Variants in PCSK5 observed in about 807,000 individuals in gnomAD.
The protein encoded by PCSK5 is proprotein convertase subtilisin/kexin type 5, also known as prohormone convertase 5.
Under a neutral mutation model 233.2 loss-of-function variants are expected in PCSK5, and 129 were observed. The observed-to-expected ratio is 0.55, with a 90% CI of 0.48 to 0.64. The LOEUF (loss-of-function observed/expected upper bound fraction) is 0.64, where lower values mean the gene tolerates loss of function less well. Among genes scored for constraint, PCSK5 ranks in the 30% least tolerant of loss-of-function variants. The pLI, the probability that PCSK5 is intolerant of heterozygous loss-of-function variation, is 0.00. For synonymous variants in PCSK5, 825 were observed against 879.2 expected (o/e 0.94, Z 1.09); for missense variants, 2,076 against 2,430.1 (o/e 0.85, Z 3.06).
At chr9:76,024,681 C>T (rs570856176) in intron 4 of PCSK5, among the ~76,000 whole-genome samples, 23 of 152,080 alleles carry the variant, frequency 1.5e-4, no homozygotes, top group Admixed American at 3.9e-4. Flanking sequence ...TTGTGAGTGC[C>T]GTCTTTTATG....
intron 21 of PCSK5, among the ~76,000 whole-genome samples, chr9:76,229,491 T>C (rs746571103): frequency 6.6e-6 from 1 of 152,222 alleles, no homozygotes; most frequent in Non-Finnish European, 1.5e-5. Flanking sequence ...TGCCCAGTCC[T>C]GAAGGAGTTA....
At chr9:76,282,446 A>G (rs1236384535) in intron 24 of PCSK5, among the ~76,000 whole-genome samples, 3 of 147,032 alleles carry the variant, frequency 2.0e-5, no homozygotes, top group Non-Finnish European at 4.5e-5. Flanking sequence ...CAGCCTCCTG[A>G]GTAGCTGTGA....
intron 7 of PCSK5, among the ~76,000 whole-genome samples, chr9:76,079,810 A>G (rs1230781713): frequency 6.6e-6 from 1 of 152,132 alleles, no homozygotes; most frequent in Non-Finnish European, 1.5e-5. Context: ...TTTGTCATAG[A>G]TGGCTCTTAT....
intron 15 of PCSK5, among the ~76,000 whole-genome samples, chr9:76,180,073 A>G (rs551617582): frequency 0.11 from 14,246 of 128,654 alleles, 762 homozygotes; most frequent in Middle Eastern, 0.21. Context: ...GTTTATATAT[A>G]TATGTGTGTG....
rs1025776278 is a variant in PCSK5, at chr9:76,148,820, G to A, written c.1313-8225G>A. On this transcript the variant is annotated intron_variant, in intron 10 of 37. Coordinates refer to ENST00000674117, the MANE Select transcript of PCSK5 (RefSeq NM_001372043.1). Reference sequence around the variant, plus strand: ...TTAGTCCTTCTGCCTCTGATATCCCGTATAACAAATCCCAGATTAATCTTT... The same window carrying A: ...TTAGTCCTTCTGCCTCTGATATCCCATATAACAAATCCCAGATTAATCTTT... Among the ~76,000 whole-genome samples, 27 of 152,072 alleles carry A rather than the reference G, an allele frequency of 1.8e-4. 1 individual carries two copies. Among genetic ancestry groups the A allele is most frequent in the Admixed American group, 9.8e-4 (15 of 15,264 alleles).
At chr9:76,142,613 C>T (rs1823273207) in intron 10 of PCSK5, among the ~76,000 whole-genome samples, 1 of 152,122 alleles carries the variant, frequency 6.6e-6, no homozygotes, top group Admixed American at 6.6e-5. Context: ...AGCTATATGT[C>T]ATGCATTCTA....
At chr9:76,061,620 G>C (rs542895647) in intron 5 of PCSK5, among the ~76,000 whole-genome samples, 1 of 152,210 alleles carries the variant, frequency 6.6e-6, no homozygotes, top group South Asian at 2.1e-4. Flanking sequence ...TAATAGTTGA[G>C]CTTGGAGTTT....
chr9:76,126,547 A>AG (rs1169197521), intron 9 of PCSK5, among the ~76,000 whole-genome samples: 1 of 152,112 alleles, frequency 6.6e-6, no homozygotes, highest in African/African-American at 2.4e-5. Context: ...CAGAAGGCAG[A>AG]GGTTGCAGTG....
At chr9:75,958,303 G>A (rs957532910) in intron 2 of PCSK5, among the ~76,000 whole-genome samples, 1 of 152,162 alleles carries the variant, frequency 6.6e-6, no homozygotes, top group Non-Finnish European at 1.5e-5. Flanking sequence ...ATCCAGGCTC[G>A]ATAGTGTTCA....
Position 76,134,102 on chromosome 9 carries a change from TC to T in PCSK5, c.1209-3del. On this transcript the variant is annotated splice_polypyrimidine_tract_variant and splice_region_variant and intron_variant, in intron 9 of 37. Coordinates refer to ENST00000674117, the MANE Select transcript of PCSK5 (RefSeq NM_001372043.1). ...GGTACAATGATTCTTACCTTGTCTT[TC>T]CCCAGTCCGTTTCTGACCTGGAGAG... 1 of 1,553,236 alleles carries T rather than the reference TC, an allele frequency of 6.4e-7. No individual in the cohort carries two copies. Among genetic ancestry groups the T allele is most frequent in the Non-Finnish European group, 8.8e-7 (1 of 1,134,572 alleles).
intron 9 of PCSK5, among the ~76,000 whole-genome samples, chr9:76,111,412 A>G (rs1337060295): frequency 6.6e-6 from 1 of 152,212 alleles, no homozygotes; most frequent in African/African-American, 2.4e-5. Context: ...CCTTTCTGCT[A>G]AAGTGAGAGA....
intron 10 of PCSK5, among the ~76,000 whole-genome samples, chr9:76,156,733 T>C (rs992083574): frequency 1.3e-5 from 2 of 152,348 alleles, no homozygotes; most frequent in South Asian, 2.1e-4. Flanking sequence ...TGAATGATGA[T>C]ATAATAATGG....
At chr9:75,946,988 C>A (rs1025503131) in intron 2 of PCSK5, among the ~76,000 whole-genome samples, 7 of 152,160 alleles carry the variant, frequency 4.6e-5, no homozygotes, top group African/African-American at 1.7e-4. Context: ...CTTGGTTAGT[C>A]TTGAGACAGA....
At chr9:76,020,891 G>A (rs537947700) in intron 3 of PCSK5, among the ~76,000 whole-genome samples, 27 of 152,158 alleles carry the variant, frequency 1.8e-4, no homozygotes, top group Admixed American at 1.1e-3. Flanking sequence ...AATCGATACC[G>A]CAGGTGGCCA....
At chr9:76,192,176 GCTTTAACTA>G (rs960260975) in intron 20 of PCSK5, among the ~76,000 whole-genome samples, 25 of 151,854 alleles carry the variant, frequency 1.6e-4, no homozygotes, top group African/African-American at 6.0e-4. Context: ...GAGTTGTAAT[GCTTTAACTA>G]CTTTCCCTAA....
chr9:76,312,813 A>G (rs1453626178), intron 30 of PCSK5, among the ~76,000 whole-genome samples: 2 of 152,076 alleles, frequency 1.3e-5, no homozygotes, highest in Non-Finnish European at 2.9e-5. Context: ...ATTGATATTG[A>G]TATTGATATT....
At position 76,181,418 on chromosome 9, in the gene PCSK5, C is replaced by A; in HGVS notation, c.2024C>A (p.Pro675His). ...TGCAGGATCTGTGTCTCCAGCTGCC[C>A]CCCTGGCCACTACCACGCCGACAAG... ...NNTRICVSSCPPGHYHADKKR... is the reference protein window; with the variant it reads ...NNTRICVSSCHPGHYHADKKR... Residue 675 changes from proline (P) to histidine (H), a missense_variant, in exon 16 of 38, where the codon CCC becomes CAC. Pro to His is a moderately conservative substitution (Grantham distance 77, BLOSUM62 -2). Around this residue, in one of 6 missense-constraint regions of PCSK5, gnomAD observed 1,510 missense variants for 1,538.1 expected, o/e 0.98. Transcript: ENST00000674117. 1 of 1,613,318 alleles carries A rather than the reference C, an allele frequency of 6.2e-7. No homozygotes were observed. Among genetic ancestry groups the A allele is most frequent in the Non-Finnish European group, 8.5e-7 (1 of 1,179,628 alleles).
intron 24 of PCSK5, among the ~76,000 whole-genome samples, chr9:76,276,269 A>T (rs1433443873): frequency 2.0e-5 from 3 of 152,206 alleles, no homozygotes; most frequent in Non-Finnish European, 4.4e-5. Flanking sequence ...TGAGTGTGTT[A>T]CATAGAATCT....
At chr9:76,320,298 C>G (rs1226784173) in intron 30 of PCSK5, among the ~76,000 whole-genome samples, 1 of 151,540 alleles carries the variant, frequency 6.6e-6, no homozygotes, top group Non-Finnish European at 1.5e-5. Flanking sequence ...GGCATGGTGG[C>G]ACGCACCTCT....
Sources: allele counts gnomAD v4.1 joint callset (sites outside exome capture counted in the v4.1 genomes callset), GRCh38; gene constraint gnomAD v4.1.1; regional missense constraint gnomAD v4.1.1; transcripts MANE v1.5; gene names NCBI Gene and HGNC (gene_info 2026-07-23, HGNC 2026-07-21).